Variants in ANXA3 observed in about 807,000 individuals in gnomAD.
ANXA3 encodes 35-alpha calcimedin.
ANXA3 carries 46 observed loss-of-function variants against 48.8 expected under a neutral mutation model. The ratio of observed to expected loss-of-function variants is 0.94; its 90% CI spans 0.74 to 1.21. The LOEUF is 1.21. Among genes scored for constraint, ANXA3 ranks in the 50% most tolerant of loss-of-function variants. ANXA3 has a pLI of 0.00. For missense variants in ANXA3, 383 were observed against 378.6 expected, an observed-to-expected ratio of 1.01 and a Z score of -0.10; for synonymous variants, 128 against 134.7, an observed-to-expected ratio of 0.95 and a Z score of 0.35.
At chr4:78,587,051 C>A (rs879574099) in intron 6 of ANXA3, among the ~76,000 whole-genome samples, 5 of 152,070 alleles carry the variant, frequency 3.3e-5, no homozygotes, top group Non-Finnish European at 7.3e-5. Flanking sequence ...TTCACAAATG[C>A]GATATTATCA....
At chr4:78,554,521 A>G (rs1311865161) in intron 2 of ANXA3, 33 bp downstream of exon 2, 1 of 1,606,436 alleles carries the variant, frequency 6.2e-7, no homozygotes, top group South Asian at 1.1e-5. Context: ...CAACACAGTA[A>G]CATATATGAG....
At chr4:78,572,668 A>G (rs1396894271) in intron 2 of ANXA3, among the ~76,000 whole-genome samples, 1 of 152,182 alleles carries the variant, frequency 6.6e-6, no homozygotes, top group Admixed American at 6.5e-5. Flanking sequence ...GAAATGCAAA[A>G]GCCTAAAAGA....
intron 2 of ANXA3, among the ~76,000 whole-genome samples, chr4:78,565,767 G>T (rs942062138): frequency 6.6e-6 from 1 of 152,196 alleles, no homozygotes; most frequent in African/African-American, 2.4e-5. Context: ...TGGTTTTGAG[G>T]ATTAAATGAT....
chr4:78,589,455 C>T (rs1723245316), intron 6 of ANXA3, among the ~76,000 whole-genome samples: 1 of 152,186 alleles, frequency 6.6e-6, no homozygotes, highest in South Asian at 2.1e-4. Flanking sequence ...ACCCGAGGGA[C>T]CCAGTTATGT....
chr4:78,607,338 C>G (rs933676514), intron 12 of ANXA3, among the ~76,000 whole-genome samples: 3 of 152,118 alleles, frequency 2.0e-5, no homozygotes, highest in African/African-American at 7.2e-5. Context: ...GGATAGAGTT[C>G]CATTTTGCAT....
chr4:78,591,703 C>A, intron 7 of ANXA3, 80 bp downstream of exon 7: 3 of 983,284 alleles, frequency 3.1e-6, no homozygotes, highest in East Asian at 2.4e-5. Flanking sequence ...TAAAAATAAC[C>A]AAACTGAGAC....
At chr4:78,574,106 C>A (rs552767438) in intron 3 of ANXA3, among the ~76,000 whole-genome samples, 3 of 152,162 alleles carry the variant, frequency 2.0e-5, no homozygotes, top group Non-Finnish European at 4.4e-5. Flanking sequence ...TAATAATTAT[C>A]ATAATAAATC....
chr4:78,578,891 A>ATAAAT, intron 3 of ANXA3, 136 bp from the exon 4 acceptor site: 1 of 363,036 alleles, frequency 2.8e-6, no homozygotes, highest in East Asian at 4.4e-5. Flanking sequence ...AAATAAATAA[A>ATAAAT]ATTCCAACCA....
rs1338299997 is a variant in ANXA3, at chr4:78,595,888, G to C, written c.634+1G>C. 1 of 1,572,698 alleles carries C rather than the reference G, an allele frequency of 6.4e-7. No homozygotes were observed. On this transcript the variant is annotated splice_donor_variant, in intron 9 of 12. Coordinates refer to ENST00000264908, the MANE Select transcript of ANXA3 (RefSeq NM_005139.3). LOFTEE classifies it high-confidence loss of function. ...AGGAGCTTTCCTCAATTAAAACTAAGTACAAACTCACATTACAATCCTTTG... is the reference window on the plus strand; with the variant it reads ...AGGAGCTTTCCTCAATTAAAACTAACTACAAACTCACATTACAATCCTTTG...
intron 6 of ANXA3, among the ~76,000 whole-genome samples, chr4:78,587,936 T>C (rs1208233562): frequency 2.0e-5 from 3 of 151,702 alleles, no homozygotes; most frequent in Admixed American, 6.6e-5. Context: ...TACTAAAAAA[T>C]ACAAAAAAAG....
In ANXA3 at chr4:78,608,290, T is replaced by C. The variant is rs944380459; in HGVS notation, c.913-1766T>C. On this transcript the variant is annotated intron_variant, in intron 12 of 12. Coordinates refer to ENST00000264908, the MANE Select transcript of ANXA3 (RefSeq NM_005139.3). ...GATTCAGATCTGGAAAATAAGTAGA[T>C]ATTAATAAGGCAAAATGTATGGAGG... 8.5e-5 allele frequency among the ~76,000 whole-genome samples: 13 copies of C among 152,150 alleles called. No homozygotes were observed. The South Asian group carries it at 2.7e-3, about 32-fold the overall frequency.
In ANXA3 at chr4:78,579,122, G is replaced by A; in HGVS notation, c.198+1G>A. ...GGAATATCAAGCAGCATATGGAAAG[G>A]TAAGGTCACATTAACATGACAGGCA... On this transcript the variant is annotated splice_donor_variant, in intron 4 of 12. Transcript: ENST00000264908. LOFTEE classifies it high-confidence loss of function. 1 of 1,603,676 alleles carries A rather than the reference G, an allele frequency of 6.2e-7. No individual in the cohort carries two copies. The highest frequency in any genetic ancestry group is 8.5e-7 in the Non-Finnish European group (1 of 1,171,580).
At chr4:78,580,234 G>A (rs996477444) in intron 4 of ANXA3, among the ~76,000 whole-genome samples, 5 of 152,190 alleles carry the variant, frequency 3.3e-5, no homozygotes, top group African/African-American at 1.2e-4. Context: ...TCAGTGAGGG[G>A]TTGTTACCTC....
intron 2 of ANXA3, among the ~76,000 whole-genome samples, chr4:78,563,636 C>T (rs1411928989): frequency 6.6e-6 from 1 of 152,102 alleles, no homozygotes; most frequent in Non-Finnish European, 1.5e-5. Flanking sequence ...ATTTTAGCCT[C>T]CAGAATTGTG....
At chr4:78,575,559 C>G (rs371529185) in intron 3 of ANXA3, among the ~76,000 whole-genome samples, 134 of 152,176 alleles carry the variant, frequency 8.8e-4, no homozygotes, top group African/African-American at 3.1e-3. Flanking sequence ...TGTGACTTCT[C>G]CTCCTTCCCT....
intron 3 of ANXA3, among the ~76,000 whole-genome samples, chr4:78,574,802 A>T (rs1587223): frequency 0.59 from 89,518 of 152,104 alleles, 28,264 homozygotes; most frequent in East Asian, 0.88. Flanking sequence ...ATTGCAATAT[A>T]AAAATGCTGC....
intron 5 of ANXA3, chr4:78,582,536 C>A (rs1305464077): frequency 2.2e-5 from 9 of 413,976 alleles, no homozygotes; most frequent in Non-Finnish European, 4.3e-6. Flanking sequence ...AATTTGTCAT[C>A]GTTGAAAGTA....
intron 2 of ANXA3, among the ~76,000 whole-genome samples, chr4:78,559,255 A>C (rs7671376): frequency 0.063 from 9,511 of 151,866 alleles, 1,032 homozygotes; most frequent in African/African-American, 0.22. Context: ...TAATTTTTAA[A>C]ATTTTTTTAT....
chr4:78,553,265 C>T (rs1722437496), intron 1 of ANXA3, among the ~76,000 whole-genome samples: 2 of 152,138 alleles, frequency 1.3e-5, no homozygotes, highest in South Asian at 4.1e-4. Flanking sequence ...TCTTCATATG[C>T]AAAACGAAGA....
Sources: gnomAD v4.1 joint callset for allele counts (sites outside exome capture counted in the v4.1 genomes callset) on GRCh38, gnomAD v4.1.1 for gene constraint, MANE v1.5 for transcripts, NCBI Gene and HGNC (gene_info 2026-07-23, HGNC 2026-07-21) for gene names.